Variants in KAZN observed in about 807,000 individuals in gnomAD.
KAZN encodes kazrin.
In KAZN, 40 loss-of-function variants were observed where a neutral mutation model predicts 87.4. The ratio of observed to expected loss-of-function variants is 0.46; its 90% CI spans 0.36 to 0.60. The LOEUF is 0.60. Among genes scored for constraint, KAZN ranks in the 20% least tolerant of loss-of-function variants. The pLI, the probability that KAZN is intolerant of heterozygous loss-of-function variation, is 0.00. For missense variants in KAZN, 898 were observed against 1,073.9 expected (o/e 0.84, Z 2.29); for synonymous variants, 466 against 458.3 (o/e 1.02, Z -0.22).
At position 14,024,182 on chromosome 1, in the gene KAZN, G is replaced by A. The variant is rs1194128127; in HGVS notation, c.91+130426G>A. Among the ~76,000 whole-genome samples, 3 of 152,310 alleles carry A rather than the reference G, an allele frequency of 2.0e-5. No homozygotes were observed. The East Asian group carries it at 5.8e-4, about 29-fold the overall frequency. On this transcript the variant is annotated intron_variant, in intron 1 of 16. Transcript: ENST00000636203. Reference sequence around the variant, plus strand: ...ACCCAGAAAAAGTTCGATGCAGAAAGATATTCAATACAGCCTTGTTTATCA... The same window carrying A: ...ACCCAGAAAAAGTTCGATGCAGAAAAATATTCAATACAGCCTTGTTTATCA...
At chr1:14,663,172 T>C (rs2148719525) in intron 1 of KAZN, among the ~76,000 whole-genome samples, 1 of 152,046 alleles carries the variant, frequency 6.6e-6, no homozygotes, top group African/African-American at 2.4e-5. Flanking sequence ...AGACAGAATC[T>C]CACCATGTTG....
At chr1:13,982,531 T>C (rs565638953) in intron 1 of KAZN, among the ~76,000 whole-genome samples, 53 of 152,186 alleles carry the variant, frequency 3.5e-4, no homozygotes, top group Non-Finnish European at 6.3e-4. Flanking sequence ...TTCCACAGCA[T>C]GGAAAGCGAC....
chr1:14,539,223 A>T lies in KAZN; in HGVS notation c.250-59760A>T, dbSNP rs78541947. Among the ~76,000 whole-genome samples the T allele has an allele frequency of 5.5e-3, 841 of 152,332 alleles. 9 individuals are homozygous for T. Among genetic ancestry groups the T allele is most frequent in the African/African-American group, 0.019 (801 of 41,576 alleles). ...GAAAGTGATGTAGAAGAATTACATA[A>T]GTCCCATTCCCGGCAATACACTGAC... On this transcript the variant is annotated intron_variant, in intron 2 of 16. Coordinates refer to the KAZN transcript ENST00000636203.
chr1:14,502,683 G>T (rs1670324313), intron 2 of KAZN, among the ~76,000 whole-genome samples: 2 of 152,140 alleles, frequency 1.3e-5, no homozygotes, highest in African/African-American at 4.8e-5. Flanking sequence ...CGTCTGCTGG[G>T]CTCCTGGTAT....
chr1:14,513,054 C>A (rs1571833756), intron 2 of KAZN, among the ~76,000 whole-genome samples: 1 of 152,152 alleles, frequency 6.6e-6, no homozygotes, highest in African/African-American at 2.4e-5. Flanking sequence ...TATAAAAGAT[C>A]TCTTTCTAGT....
intron 1 of KAZN, among the ~76,000 whole-genome samples, chr1:14,118,938 G>A (rs540477612): frequency 7.9e-5 from 12 of 152,110 alleles, no homozygotes; most frequent in Non-Finnish European, 1.6e-4. Context: ...CTCTCACTAG[G>A]TTGTCAGGAA....
chr1:14,937,494 T>C (rs1280997079), intron 1 of KAZN, among the ~76,000 whole-genome samples: 3 of 152,214 alleles, frequency 2.0e-5, no homozygotes, highest in African/African-American at 7.2e-5. Context: ...CCTCTCTCCC[T>C]GCCATCCTTC....
At chr1:14,333,658 G>A (rs139965798) in intron 2 of KAZN, among the ~76,000 whole-genome samples, 102 of 152,284 alleles carry the variant, frequency 6.7e-4, no homozygotes, top group African/African-American at 2.2e-3. Flanking sequence ...TAAAAGATTC[G>A]TGGTAATGAG....
At chr1:14,638,551 A>G (rs1375920348) in intron 1 of KAZN, among the ~76,000 whole-genome samples, 1 of 148,560 alleles carries the variant, frequency 6.7e-6, no homozygotes, top group Non-Finnish European at 1.5e-5. Flanking sequence ...CCTGGGCAAC[A>G]GAGCAAGACT....
chr1:14,472,387 A>G (rs1180085647), intron 2 of KAZN, among the ~76,000 whole-genome samples: 1 of 152,120 alleles, frequency 6.6e-6, no homozygotes, highest in East Asian at 1.9e-4. Context: ...GAGTCTATTC[A>G]CGGTAATCAT....
At chr1:14,915,719 A>G (rs970463468) in intron 1 of KAZN, among the ~76,000 whole-genome samples, 1 of 152,204 alleles carries the variant, frequency 6.6e-6, no homozygotes, top group Non-Finnish European at 1.5e-5. Flanking sequence ...CAGACTCCCA[A>G]CGCTGCCTTT....
At position 14,862,548 on chromosome 1, in the gene KAZN, G is replaced by A. The variant is rs764055918; in HGVS notation, c.227-98136G>A. On this transcript the variant is annotated intron_variant, in intron 1 of 14. Transcript: ENST00000376030. The stretch of plus-strand genomic sequence containing the variant: ...GAATGAAGAGAGATTAGTCACATCA[G>A]GGGAGGCCTACTGACAGCAGCGAAA... Among the ~76,000 whole-genome samples the A allele has an allele frequency of 5.7e-4, 87 of 152,170 alleles. 2 individuals are homozygous for A. The highest frequency in any genetic ancestry group is 1.0e-3 in the Non-Finnish European group (70 of 68,030).
chr1:13,980,030 T>G (rs947526140), intron 1 of KAZN, among the ~76,000 whole-genome samples: 2 of 151,880 alleles, frequency 1.3e-5, no homozygotes, highest in African/African-American at 4.8e-5. Flanking sequence ...GCCTTTAAAG[T>G]GTTAGACGGT....
intron 2 of KAZN, among the ~76,000 whole-genome samples, chr1:15,005,008 C>A (rs528398026): frequency 6.6e-6 from 1 of 152,150 alleles, no homozygotes; most frequent in South Asian, 2.1e-4. Context: ...GAGGTAAATA[C>A]GCCCAGGTTG....
intron 2 of KAZN, among the ~76,000 whole-genome samples, chr1:14,416,677 C>T (rs1313544128): frequency 6.6e-6 from 1 of 151,950 alleles, no homozygotes; most frequent in Admixed American, 6.6e-5. Flanking sequence ...ACAGAGGTTG[C>T]AGTGAGCTGA....
intron 1 of KAZN, among the ~76,000 whole-genome samples, chr1:14,951,169 T>G (rs772201033): frequency 7.9e-5 from 12 of 152,078 alleles, no homozygotes; most frequent in Non-Finnish European, 1.2e-4. Flanking sequence ...AGAGCAAAGA[T>G]GCATTTCTTT....
At chr1:13,950,171 T>C (rs1641291218) in intron 1 of KAZN, among the ~76,000 whole-genome samples, 1 of 152,152 alleles carries the variant, frequency 6.6e-6, no homozygotes, top group African/African-American at 2.4e-5. Flanking sequence ...TTCCTCCCTC[T>C]TGGCCTTTGT....
chr1:14,061,498 C>T (rs1017134717), intron 1 of KAZN, among the ~76,000 whole-genome samples: 53 of 152,240 alleles, frequency 3.5e-4, no homozygotes, highest in African/African-American at 1.2e-3. Context: ...CCCCGTAGAA[C>T]GTTCTAGAAC....
intron 2 of KAZN, among the ~76,000 whole-genome samples, chr1:14,264,819 T>C (rs1651348064): frequency 6.6e-6 from 1 of 152,206 alleles, no homozygotes; most frequent in Non-Finnish European, 1.5e-5. Context: ...TCCAAACAAA[T>C]AAATTTCTCT....
Sources: allele counts gnomAD v4.1 joint callset (sites outside exome capture counted in the v4.1 genomes callset), GRCh38; gene constraint gnomAD v4.1.1; transcripts MANE v1.5; gene names NCBI Gene and HGNC (gene_info 2026-07-23, HGNC 2026-07-21).